Variants in STPG2 observed in about 807,000 individuals in gnomAD.
The protein encoded by STPG2 is sperm-tail PG-rich repeat-containing protein 2.
In STPG2, 56 loss-of-function variants were observed where a neutral mutation model predicts 54.2. The ratio of observed to expected loss-of-function variants is 1.03; its 90% CI spans 0.83 to 1.29. The LOEUF (loss-of-function observed/expected upper bound fraction) is 1.29. STPG2 is among the 50% of genes most tolerant of loss of function. STPG2 has a pLI of 0.00. For synonymous variants in STPG2, 200 were observed against 181.8 expected (o/e 1.10, Z -0.81); for missense variants, 596 against 544.9 (o/e 1.09, Z -0.93).
rs1163364256 is a variant in STPG2, at chr4:97,991,322, A to AC, written c.613-10005dup. The stretch of plus-strand genomic sequence containing the variant: ...TACGCACACACACACATATATATAC[A>AC]CACATACACATATATATATGTGTGT... On this transcript the variant is annotated intron_variant, in intron 5 of 10. Coordinates refer to ENST00000295268, the MANE Select transcript of STPG2 (RefSeq NM_174952.3). Among the ~76,000 whole-genome samples the AC allele has an allele frequency of 2.0e-5, 3 of 151,424 alleles. 1 individual carries two copies. The highest frequency in any genetic ancestry group is 1.3e-4 in the Admixed American group (2 of 15,144).
chr4:97,672,575 A>C (rs1722734212), intron 10 of STPG2, among the ~76,000 whole-genome samples: 1 of 152,184 alleles, frequency 6.6e-6, no homozygotes, highest in Non-Finnish European at 1.5e-5. Context: ...AAAACCTTCC[A>C]ATACAGTAAG....
At chr4:97,709,928 C>G (rs1470670451) in intron 10 of STPG2, among the ~76,000 whole-genome samples, 1 of 151,630 alleles carries the variant, frequency 6.6e-6, no homozygotes, top group East Asian at 1.9e-4. Flanking sequence ...CCTGATTTTC[C>G]ATTTTGCTAA....
intron 9 of STPG2, among the ~76,000 whole-genome samples, chr4:97,732,077 G>T (rs1383478759): frequency 6.6e-6 from 1 of 151,874 alleles, no homozygotes; most frequent in Non-Finnish European, 1.5e-5. Context: ...AGGAAAGACA[G>T]CCCTGCTCTC....
intron 5 of STPG2, among the ~76,000 whole-genome samples, chr4:97,983,161 T>C (rs934940927): frequency 6.6e-6 from 1 of 152,196 alleles, no homozygotes; most frequent in African/African-American, 2.4e-5. Flanking sequence ...TCCTAGTCTA[T>C]TGAATGTAAT....
intron 9 of STPG2, among the ~76,000 whole-genome samples, chr4:97,767,572 C>T (rs970183364): frequency 1.2e-4 from 19 of 152,140 alleles, no homozygotes; most frequent in Admixed American, 5.9e-4. Flanking sequence ...ATTTATGTTT[C>T]TGTGCAGTTT....
At chr4:97,643,446 G>A (rs1721819711) in intron 10 of STPG2, among the ~76,000 whole-genome samples, 1 of 143,496 alleles carries the variant, frequency 7.0e-6, no homozygotes, top group Non-Finnish European at 1.5e-5. Context: ...AGTAGTTTAA[G>A]TACAGCATTT....
At chr4:97,457,407 G>A (rs947955273) in intron 4 of STPG2, among the ~76,000 whole-genome samples, 8 of 152,222 alleles carry the variant, frequency 5.3e-5, no homozygotes, top group Non-Finnish European at 1.2e-4. Context: ...CCAACTCAGT[G>A]TAAACAGTGA....
chr4:97,744,848 T>C (rs1725374460), intron 9 of STPG2, among the ~76,000 whole-genome samples: 1 of 151,172 alleles, frequency 6.6e-6, no homozygotes, highest in Admixed American at 6.6e-5. Context: ...AGTGAAAGAG[T>C]GGTTAAGGAA....
intron 4 of STPG2, among the ~76,000 whole-genome samples, chr4:97,552,064 T>C (rs1731978415): frequency 5.9e-5 from 9 of 152,122 alleles, no homozygotes; most frequent in Admixed American, 5.9e-4. Context: ...AAGAAAATAC[T>C]GGAAGTGACC....
At chr4:97,482,530 A>C (rs750394970) in intron 4 of STPG2, among the ~76,000 whole-genome samples, 1 of 151,598 alleles carries the variant, frequency 6.6e-6, no homozygotes, top group Admixed American at 6.6e-5. Flanking sequence ...ATAAGAAAAT[A>C]TGTACAAAGC....
chr4:97,482,093 A>AT (rs957708358), intron 4 of STPG2, among the ~76,000 whole-genome samples: 55 of 151,502 alleles, frequency 3.6e-4, no homozygotes, highest in African/African-American at 6.5e-4. Context: ...TAAGATAATC[A>AT]TTTTTTTCTT....
At chr4:98,034,594 A>G (rs968330645) in intron 5 of STPG2, among the ~76,000 whole-genome samples, 6 of 152,184 alleles carry the variant, frequency 3.9e-5, no homozygotes, top group African/African-American at 1.4e-4. Flanking sequence ...ACTGGAAAAA[A>G]CTACTTTAAA....
chr4:97,548,269 A>G (rs1731888824), intron 4 of STPG2, among the ~76,000 whole-genome samples: 2 of 152,212 alleles, frequency 1.3e-5, no homozygotes, highest in African/African-American at 2.4e-5. Flanking sequence ...TTTAGTATGA[A>G]GTGGAGAAGA....
At chr4:98,110,536 G>T (rs568818201) in intron 3 of STPG2, among the ~76,000 whole-genome samples, 1 of 152,056 alleles carries the variant, frequency 6.6e-6, no homozygotes, top group Non-Finnish European at 1.5e-5. Context: ...CCACCCCAAG[G>T]AAAGACTCAG....
intron 10 of STPG2, among the ~76,000 whole-genome samples, chr4:97,575,570 C>A (rs1271470536): frequency 6.6e-6 from 1 of 152,032 alleles, no homozygotes; most frequent in Non-Finnish European, 1.5e-5. Flanking sequence ...AAAAATCTAA[C>A]ATATTTTCAT....
rs191693972 is a variant in STPG2, at chr4:97,758,576, A to T, written c.1205-45762T>A. Among the ~76,000 whole-genome samples, 401 of 152,212 alleles carry T rather than the reference A, an allele frequency of 2.6e-3. 1 individual carries two copies. Among genetic ancestry groups the T allele is most frequent in the Non-Finnish European group, 4.0e-3 (270 of 68,022 alleles). On this transcript the variant is annotated intron_variant, in intron 9 of 10. Transcript: ENST00000295268. ...TCATAAGTGGGAGCTGAACAATGAA[A>T]ACCAATGGACACAGGGAGGGGAATA...
intron 9 of STPG2, among the ~76,000 whole-genome samples, chr4:97,714,635 G>A (rs1205735783): frequency 6.6e-6 from 1 of 152,024 alleles, no homozygotes; most frequent in African/African-American, 2.4e-5. Flanking sequence ...TATATTTATA[G>A]TGCAGAGGAA....
chr4:97,489,217 C>A (rs544429932), intron 4 of STPG2, among the ~76,000 whole-genome samples: 159 of 151,822 alleles, frequency 1.0e-3, no homozygotes, highest in Non-Finnish European at 1.5e-3. Context: ...CCATTTGGAA[C>A]TATAAGTCCA....
At chr4:97,514,187 G>A (rs1254984005) in intron 4 of STPG2, among the ~76,000 whole-genome samples, 2 of 152,046 alleles carry the variant, frequency 1.3e-5, no homozygotes, top group Non-Finnish European at 2.9e-5. Context: ...TTCCTAATAT[G>A]CTATGAAAGG....
Sources: gnomAD v4.1 joint callset for allele counts (sites outside exome capture counted in the v4.1 genomes callset) on GRCh38, gnomAD v4.1.1 for gene constraint, MANE v1.5 for transcripts, NCBI Gene and HGNC (gene_info 2026-07-23, HGNC 2026-07-21) for gene names.